The following ZNF423 variants were observed in gnomAD, a reference collection of about 807,000 sequenced individuals.
ZNF423 encodes Ebf-associated zinc finger protein.
Under a neutral mutation model 95.8 loss-of-function variants are expected in ZNF423, and 12 were observed. The observed-to-expected ratio is 0.13, with a 90% CI of 0.08 to 0.20. The LOEUF (loss-of-function observed/expected upper bound fraction) is 0.20. Among genes scored for constraint, ZNF423 ranks in the 10% least tolerant of loss-of-function variants. ZNF423 has a pLI of 1.00. For synonymous variants in ZNF423, 749 were observed against 711.9 expected (o/e 1.05, Z -0.83); for missense variants, 1,316 against 1,737.1 (o/e 0.76, Z 4.31).
At chr16:49,710,473 G>A (rs146345566) in intron 3 of ZNF423, among the ~76,000 whole-genome samples, 3 of 152,336 alleles carry the variant, frequency 2.0e-5, no homozygotes, top group Admixed American at 1.3e-4. Context: ...CGCCTAAGAA[G>A]CACTGCCTGA....
chr16:49,820,339 C>A (rs1233496907), intron 1 of ZNF423, among the ~76,000 whole-genome samples: 2 of 152,138 alleles, frequency 1.3e-5, no homozygotes, highest in African/African-American at 4.8e-5. Flanking sequence ...CCTTGGATAA[C>A]CATGTCCTGC....
chr16:49,730,153 ACTC>A (rs1330062005), intron 3 of ZNF423, among the ~76,000 whole-genome samples: 1 of 151,660 alleles, frequency 6.6e-6, no homozygotes, highest in African/African-American at 2.4e-5. Flanking sequence ...TACACACAAA[ACTC>A]CTGAAGTCTT....
At position 49,521,200 on chromosome 16, in the gene ZNF423, G is replaced by A. The variant is rs80045495; in HGVS notation, c.3849+2424C>T. The stretch of plus-strand genomic sequence containing the variant: ...ACGTCAGGATGGGAAACCTTCTCTG[G>A]GAATAATCTTGAGGCCATCAGAGAA... On this transcript the variant is annotated intron_variant, in intron 7 of 7. Transcript: ENST00000563137. 3.9e-3 allele frequency among the ~76,000 whole-genome samples: 600 copies of A among 152,294 alleles called. 3 individuals carry two copies. The highest frequency in any genetic ancestry group is 0.013 in the African/African-American group (545 of 41,556).
chr16:49,720,568 T>G (rs1009538558), intron 3 of ZNF423, among the ~76,000 whole-genome samples: 1 of 152,228 alleles, frequency 6.6e-6, no homozygotes, highest in African/African-American at 2.4e-5. Flanking sequence ...GTTCTGCCAT[T>G]GTTTCAACCA....
intron 5 of ZNF423, among the ~76,000 whole-genome samples, chr16:49,608,820 C>T (rs1971623783): frequency 6.6e-6 from 1 of 152,190 alleles, no homozygotes; most frequent in South Asian, 2.1e-4. Context: ...AAAACTATGA[C>T]CCCACCACCA....
At chr16:49,741,424 T>C (rs2033412561) in intron 2 of ZNF423, among the ~76,000 whole-genome samples, 1 of 151,864 alleles carries the variant, frequency 6.6e-6, no homozygotes, top group African/African-American at 2.4e-5. Context: ...GGAGAATCAC[T>C]TGAACCTGGG....
At chr16:49,821,442 A>G (rs1039448771) in intron 1 of ZNF423, among the ~76,000 whole-genome samples, 16 of 152,066 alleles carry the variant, frequency 1.1e-4, no homozygotes, top group Admixed American at 8.5e-4. Context: ...CCCATTTCCA[A>G]CTGATTCCAT....
At chr16:49,642,003 A>G (rs899294292) in intron 3 of ZNF423, among the ~76,000 whole-genome samples, 3 of 152,234 alleles carry the variant, frequency 2.0e-5, no homozygotes, top group African/African-American at 7.2e-5. Context: ...ATGGTATGCA[A>G]ATTATACTTC....
intron 3 of ZNF423, among the ~76,000 whole-genome samples, chr16:49,642,672 C>T (rs1973013236): frequency 6.6e-6 from 1 of 152,166 alleles, no homozygotes; most frequent in Non-Finnish European, 1.5e-5. Flanking sequence ...TGCCATCCCA[C>T]CCCCTCCAAA....
chr16:49,739,272 A>T (rs952565433), intron 2 of ZNF423, among the ~76,000 whole-genome samples: 3 of 152,204 alleles, frequency 2.0e-5, no homozygotes, highest in African/African-American at 4.8e-5. Context: ...CTGCTGGGTT[A>T]TGATTCAAAC....
In ZNF423 at chr16:49,622,778, G is replaced by A. The variant is rs79789468; in HGVS notation, c.3601+3392C>T. ...AACTCACGTAACCTCTCTAAGCCCC[G>A]GGTTCCTCATCTGTCAGATGGGGAA... On this transcript the variant is annotated intron_variant, in intron 5 of 7. Coordinates refer to ENST00000563137, the MANE Select transcript of ZNF423 (RefSeq NM_001379286.1). Among the ~76,000 whole-genome samples, 349 of 152,266 alleles carry A rather than the reference G, an allele frequency of 2.3e-3. 2 individuals are homozygous for A. Among genetic ancestry groups the A allele is most frequent in the African/African-American group, 8.0e-3 (331 of 41,564 alleles).
chr16:49,745,170 A>G (rs1323113852), intron 2 of ZNF423, among the ~76,000 whole-genome samples: 1 of 152,228 alleles, frequency 6.6e-6, no homozygotes, highest in Non-Finnish European at 1.5e-5. Flanking sequence ...ATAAATATAC[A>G]TGAATCAAAT....
chr16:49,725,989 C>T (rs2033003090), intron 3 of ZNF423, among the ~76,000 whole-genome samples: 1 of 152,170 alleles, frequency 6.6e-6, no homozygotes, highest in Non-Finnish European at 1.5e-5. Flanking sequence ...TGCCTGGAGC[C>T]CGCAGTCTTA....
intron 5 of ZNF423, among the ~76,000 whole-genome samples, chr16:49,549,159 G>A (rs1969541892): frequency 1.3e-5 from 2 of 152,232 alleles, no homozygotes; most frequent in Admixed American, 1.3e-4. Flanking sequence ...AGATCTGCAT[G>A]TGAGGACTTC....
At chr16:49,741,384 A>AT (rs1372179136) in intron 2 of ZNF423, among the ~76,000 whole-genome samples, 2 of 152,050 alleles carry the variant, frequency 1.3e-5, no homozygotes, top group African/African-American at 4.8e-5. Context: ...GCGCATGCCT[A>AT]TAATCCCAGC....
At chr16:49,730,647 T>C in intron 3 of ZNF423, 124 bp downstream of exon 3, 1 of 1,062,110 alleles carries the variant, frequency 9.4e-7, no homozygotes, top group Non-Finnish European at 1.4e-6. Flanking sequence ...GACACCACAA[T>C]AAAATGACAT....
intron 3 of ZNF423, among the ~76,000 whole-genome samples, chr16:49,646,574 C>CT (rs71380366): frequency 0.066 from 7,809 of 117,948 alleles, 851 homozygotes; most frequent in African/African-American, 0.11. Context: ...TTTTCTTTTT[C>CT]TTTTTTTTTT....
intron 5 of ZNF423, among the ~76,000 whole-genome samples, chr16:49,618,573 C>G (rs1047239773): frequency 6.6e-6 from 1 of 152,174 alleles, no homozygotes; most frequent in Non-Finnish European, 1.5e-5. Flanking sequence ...GTGCTTGCTT[C>G]CCCTTCCACT....
intron 1 of ZNF423, among the ~76,000 whole-genome samples, chr16:49,809,484 G>A (rs1165245386): frequency 6.6e-6 from 1 of 152,204 alleles, no homozygotes; most frequent in Non-Finnish European, 1.5e-5. Flanking sequence ...CTACACACAA[G>A]CCAGTGCAGC....
Sources: gnomAD v4.1 joint callset for allele counts (sites outside exome capture counted in the v4.1 genomes callset) on GRCh38, gnomAD v4.1.1 for gene constraint, MANE v1.5 for transcripts, NCBI Gene and HGNC (gene_info 2026-07-23, HGNC 2026-07-21) for gene names.